The following GLI2 variants were observed in gnomAD, a reference collection of about 807,000 sequenced individuals.
GLI2 encodes GLI family zinc finger 2, also known as transcription activator GLI2.
GLI2 carries 22 observed loss-of-function variants against 78.9 expected under a neutral mutation model. That is an observed-to-expected ratio of 0.28 (90% confidence interval 0.20 to 0.40). The LOEUF (loss-of-function observed/expected upper bound fraction) is 0.40, where lower values mean the gene tolerates loss of function less well. Ranked by LOEUF, GLI2 falls within the 10% of genes least tolerant of loss-of-function variation. The probability of loss-of-function intolerance (pLI) is 1.00; values close to 1 mark genes in which losing one functional copy is unlikely to be tolerated. For synonymous variants in GLI2, 974 were observed against 963.7 expected (o/e 1.01, Z -0.20); for missense variants, 2,097 against 2,213.2 (o/e 0.95, Z 1.05).
At chr2:120,841,318 C>T (rs976835441) in intron 2 of GLI2, among the ~76,000 whole-genome samples, 2 of 152,154 alleles carry the variant, frequency 1.3e-5, no homozygotes, top group Admixed American at 6.5e-5. Flanking sequence ...AAGGCTTCTA[C>T]GCTCCATACT....
At chr2:120,799,175 T>C (rs1261589379) in intron 2 of GLI2, among the ~76,000 whole-genome samples, 1 of 152,174 alleles carries the variant, frequency 6.6e-6, no homozygotes, top group East Asian at 1.9e-4. Flanking sequence ...TCTCAATCTG[T>C]GGCGGGAGTA....
At chr2:120,942,469 C>T (rs1443923659) in intron 3 of GLI2, among the ~76,000 whole-genome samples, 1 of 152,200 alleles carries the variant, frequency 6.6e-6, no homozygotes, top group African/African-American at 2.4e-5. Flanking sequence ...GTCTAAAGAC[C>T]CCATGATGGC....
At chr2:120,809,061 A>G (rs1000186419) in intron 2 of GLI2, among the ~76,000 whole-genome samples, 3 of 152,218 alleles carry the variant, frequency 2.0e-5, no homozygotes, top group Non-Finnish European at 4.4e-5. Context: ...AAAACTTTGT[A>G]TATGGGTGTT....
At chr2:120,868,027 A>C (rs1688235939) in intron 2 of GLI2, among the ~76,000 whole-genome samples, 1 of 152,110 alleles carries the variant, frequency 6.6e-6, no homozygotes, top group South Asian at 2.1e-4. Context: ...CTGCCCCCCC[A>C]GCCTCCCGCA....
chr2:120,778,771 C>A (rs1482817987), intron 1 of GLI2, among the ~76,000 whole-genome samples: 2 of 152,242 alleles, frequency 1.3e-5, no homozygotes, highest in East Asian at 3.9e-4. Context: ...GCTTGTCTTG[C>A]TCCTGAAGCT....
At chr2:120,780,220 T>C (rs1244228485) in intron 1 of GLI2, among the ~76,000 whole-genome samples, 1 of 152,188 alleles carries the variant, frequency 6.6e-6, no homozygotes, top group Non-Finnish European at 1.5e-5. Flanking sequence ...AACGCCCCCT[T>C]CAGCTGGAAG....
chr2:120,918,288 T>G (rs1225251722), intron 2 of GLI2, among the ~76,000 whole-genome samples: 1 of 152,158 alleles, frequency 6.6e-6, no homozygotes, highest in African/African-American at 2.4e-5. Context: ...TGAGTTTCTA[T>G]CTGATACATC....
At chr2:120,806,337 T>C (rs115975371) in intron 2 of GLI2, among the ~76,000 whole-genome samples, 2,757 of 152,278 alleles carry the variant, frequency 0.018, 70 homozygotes, top group African/African-American at 0.062. Flanking sequence ...TCCCGAACTG[T>C]GGACCAGAGA....
At chr2:120,831,410 A>T (rs1285635960) in intron 2 of GLI2, among the ~76,000 whole-genome samples, 1 of 152,110 alleles carries the variant, frequency 6.6e-6, no homozygotes, top group African/African-American at 2.4e-5. Flanking sequence ...CAGTGTGGGG[A>T]CAGGTTGTCC....
intron 2 of GLI2, among the ~76,000 whole-genome samples, chr2:120,828,225 G>A (rs1686182578): frequency 6.6e-6 from 1 of 152,170 alleles, no homozygotes; most frequent in Non-Finnish European, 1.5e-5. Context: ...CAGCTTGCTG[G>A]GCCAAGGCCC....
Position 120,967,165 on chromosome 2 carries a change from G to A in GLI2, c.644-1549G>A, listed in dbSNP as rs532151982. 3.3e-5 allele frequency among the ~76,000 whole-genome samples: 5 copies of A among 152,324 alleles called. No homozygotes were observed. In the East Asian group the frequency reaches 7.7e-4, roughly 24 times the overall value. The stretch of plus-strand genomic sequence containing the variant: ...AACACCACCAGCCCATGGGGAACCC[G>A]GAGGCCTGGAAAGGATGGGTGGGCA... On this transcript the variant is annotated intron_variant, in intron 5 of 13. Coordinates refer to ENST00000361492, the MANE Select transcript of GLI2 (RefSeq NM_001374353.1).
At chr2:120,866,945 C>T (rs1688165768) in intron 2 of GLI2, among the ~76,000 whole-genome samples, 1 of 152,206 alleles carries the variant, frequency 6.6e-6, no homozygotes, top group African/African-American at 2.4e-5. Context: ...GCACTGCCCG[C>T]AGGGACTCCA....
At chr2:120,759,127 C>G (rs1351216082) in intron 1 of GLI2, among the ~76,000 whole-genome samples, 2 of 152,222 alleles carry the variant, frequency 1.3e-5, no homozygotes, top group Non-Finnish European at 2.9e-5. Context: ...TAGGAAGAAA[C>G]AGACTCAGTT....
intron 1 of GLI2, among the ~76,000 whole-genome samples, chr2:120,795,265 C>T (rs1247896609): frequency 6.6e-6 from 1 of 151,460 alleles, no homozygotes; most frequent in African/African-American, 2.4e-5. Flanking sequence ...CTCACGCCTG[C>T]AGTCCTAGCA....
At chr2:120,835,074 A>G (rs532278525) in intron 2 of GLI2, among the ~76,000 whole-genome samples, 3 of 152,196 alleles carry the variant, frequency 2.0e-5, no homozygotes, top group African/African-American at 7.2e-5. Context: ...CAAACACACC[A>G]AACTGAAAAA....
chr2:120,975,485 G>A (rs17005559), intron 9 of GLI2, among the ~76,000 whole-genome samples: 43,110 of 151,278 alleles, frequency 0.28, 6,420 homozygotes, highest in East Asian at 0.48. Flanking sequence ...AGGGAAATAC[G>A]ATTAGTTAAA....
intron 2 of GLI2, among the ~76,000 whole-genome samples, chr2:120,835,475 T>G (rs1385307731): frequency 6.6e-6 from 1 of 151,080 alleles, no homozygotes; most frequent in Non-Finnish European, 1.5e-5. Context: ...AACCCCCGTC[T>G]CCTGGGTTCC....
At chr2:120,767,286 T>A (rs577347229) in intron 1 of GLI2, among the ~76,000 whole-genome samples, 20 of 146,894 alleles carry the variant, frequency 1.4e-4, no homozygotes, top group African/African-American at 4.6e-4. Flanking sequence ...AGGGTACAGC[T>A]GAGTGAGAGG....
At chr2:120,888,595 C>T (rs557473535) in intron 2 of GLI2, among the ~76,000 whole-genome samples, 1 of 152,128 alleles carries the variant, frequency 6.6e-6, no homozygotes, top group East Asian at 1.9e-4. Flanking sequence ...TTGGTGTGGA[C>T]AGGGCCTACT....
Sources: gnomAD v4.1 joint callset for allele counts (sites outside exome capture counted in the v4.1 genomes callset) on GRCh38, gnomAD v4.1.1 for gene constraint, MANE v1.5 for transcripts, NCBI Gene and HGNC (gene_info 2026-07-23, HGNC 2026-07-21) for gene names.